The following ZEB2 variants were observed in gnomAD, a reference collection of about 807,000 sequenced individuals.
ZEB2 encodes zinc finger E-box binding homeobox 2, also known as zinc finger E-box-binding homeobox 2.
Under a neutral mutation model 99.9 loss-of-function variants are expected in ZEB2, and 6 were observed. That is an observed-to-expected ratio of 0.06 (90% CI 0.03 to 0.12). The LOEUF (loss-of-function observed/expected upper bound fraction) is 0.12. Among genes scored for constraint, ZEB2 ranks in the 10% least tolerant of loss-of-function variants. The pLI is 1.00. For synonymous variants in ZEB2, 517 were observed against 542.5 expected (o/e 0.95, Z 0.65); for missense variants, 969 against 1,502.8 (o/e 0.64, Z 5.87).
intron 2 of ZEB2, among the ~76,000 whole-genome samples, chr2:144,434,009 G>A (rs776085894): frequency 5.3e-5 from 8 of 152,124 alleles, no homozygotes; most frequent in South Asian, 2.1e-4. Flanking sequence ...CCTATACAAT[G>A]TTACCTTACT....
intron 4 of ZEB2, among the ~76,000 whole-genome samples, chr2:144,421,794 T>A (rs1017749094): frequency 2.0e-5 from 3 of 152,180 alleles, no homozygotes; most frequent in Admixed American, 2.0e-4. Flanking sequence ...TTGAACATGA[T>A]CTGAGTATAT....
At chr2:144,440,513 ATATTTTTTTTTTTTTTTTTTT>A (rs1374576716) in intron 2 of ZEB2, among the ~76,000 whole-genome samples, 2,174 of 23,946 alleles carry the variant, frequency 0.091, 25 homozygotes, top group Non-Finnish European at 0.12. Flanking sequence ...ATATATATAT[ATATTTTTTTTTTTTTTTTTTT>A]TTTTTTTTAA....
At position 144,389,037 on chromosome 2, in the gene ZEB2, CAATAATAAT is replaced by C; in HGVS notation, c.*405_*413del. 1 of 411,908 alleles carries C rather than the reference CAATAATAAT, an allele frequency of 2.4e-6. No individual in the cohort carries two copies. Among genetic ancestry groups the C allele is most frequent in the Non-Finnish European group, 4.4e-6 (1 of 228,750 alleles). 25.5% of individuals were successfully genotyped at this position (411,908 alleles called of 1,614,324 possible). On this transcript the variant is annotated 3_prime_UTR_variant, in exon 10 of 10. Coordinates refer to ENST00000627532, the MANE Select transcript of ZEB2 (RefSeq NM_014795.4). The surrounding 1 kb of genome is among the most constrained non-coding windows in gnomAD (Gnocchi z 6.8). Reference sequence around the variant, plus strand: ...AGCACATTAAATTAAAAAGGAATAACAATAATAATAATAAAAATACTGATGTATGGTAGT... The same window carrying C: ...AGCACATTAAATTAAAAAGGAATAACAATAAAAATACTGATGTATGGTAGT...
chr2:144,423,398 GT>G (rs1484855786), intron 4 of ZEB2, among the ~76,000 whole-genome samples: 1 of 152,090 alleles, frequency 6.6e-6, no homozygotes, highest in Non-Finnish European at 1.5e-5. Flanking sequence ...CTTTATTTTT[GT>G]TTTAATATGA....
rs1294345464 is a variant in ZEB2, at chr2:144,385,845, T to C, written c.*3606A>G. On this transcript the variant is annotated 3_prime_UTR_variant, in exon 10 of 10. Coordinates refer to ENST00000627532, the MANE Select transcript of ZEB2 (RefSeq NM_014795.4). ...AATGACCTTTTTAAAAGTTATCTGA[T>C]TGTGAAAAGTATCTAATACATTTAT... 1 of 152,244 alleles carries C rather than the reference T, an allele frequency of 6.6e-6. No individual in the cohort carries two copies. Among genetic ancestry groups the C allele is most frequent in the Non-Finnish European group, 1.5e-5 (1 of 68,036 alleles). 9.4% of individuals were successfully genotyped at this position (152,244 alleles called of 1,614,324 possible).
chr2:144,515,582 G>T (rs752843527), intron 2 of ZEB2, among the ~76,000 whole-genome samples: 3 of 151,778 alleles, frequency 2.0e-5, no homozygotes, highest in Non-Finnish European at 4.4e-5. Flanking sequence ...ACTGAATCTT[G>T]GGGAAGCAGC....
chr2:144,470,463 T>C (rs911407072), intron 2 of ZEB2: 6 of 152,172 alleles, frequency 3.9e-5, no homozygotes, highest in African/African-American at 1.4e-4. Context: ...ACAGTGATAT[T>C]TGTAATAAAT....
intron 2 of ZEB2, among the ~76,000 whole-genome samples, chr2:144,448,410 G>A (rs1704013565): frequency 2.0e-5 from 3 of 152,134 alleles, no homozygotes; most frequent in Non-Finnish European, 2.9e-5. Flanking sequence ...GATGATAAAG[G>A]ACTTACTGAA....
chr2:144,519,621 A>T, intron 1 of ZEB2: 1 of 215,538 alleles, frequency 4.6e-6, no homozygotes, highest in Non-Finnish European at 9.5e-6. Flanking sequence ...ATTCTCAATA[A>T]AACTTTTCCT....
At chr2:144,517,819 CT>C in intron 1 of ZEB2, 1 of 622,726 alleles carries the variant, frequency 1.6e-6, no homozygotes, top group Non-Finnish European at 2.9e-6. Context: ...TCGTTCTCAT[CT>C]TTTCTCATCC....
chr2:144,454,673 G>A (rs764235251), intron 2 of ZEB2, among the ~76,000 whole-genome samples: 14 of 152,158 alleles, frequency 9.2e-5, no homozygotes, highest in Non-Finnish European at 1.9e-4. Context: ...TTTTGAAACA[G>A]GATGTCCTTA....
At chr2:144,515,801 G>GAC (rs1404518476) in intron 2 of ZEB2, 1 of 150,452 alleles carries the variant, frequency 6.6e-6, no homozygotes, top group Admixed American at 6.6e-5. Flanking sequence ...AAAACCTAGA[G>GAC]AGAGAGAGAG....
intron 3 of ZEB2, among the ~76,000 whole-genome samples, chr2:144,425,812 T>TA (rs1703684415): frequency 6.6e-6 from 1 of 152,128 alleles, no homozygotes; most frequent in Non-Finnish European, 1.5e-5. Flanking sequence ...ATGACAATAC[T>TA]AATGAGACCA....
chr2:144,482,606 T>C (rs1704528947), intron 2 of ZEB2, among the ~76,000 whole-genome samples: 1 of 152,216 alleles, frequency 6.6e-6, no homozygotes. Context: ...ATTTCTGGCC[T>C]GCAGGTTTTT....
intron 2 of ZEB2, among the ~76,000 whole-genome samples, chr2:144,468,521 A>G (rs964469093): frequency 8.5e-5 from 13 of 152,156 alleles, no homozygotes; most frequent in African/African-American, 2.9e-4. Flanking sequence ...AGTTTTATGG[A>G]TACAAGTAAG....
Position 144,479,659 on chromosome 2 carries a change from G to C in ZEB2, c.73+37619C>G, listed in dbSNP as rs371849061. Among the ~76,000 whole-genome samples, 49 of 121,142 alleles carry C rather than the reference G, an allele frequency of 4.0e-4. 3 individuals carry two copies. In the South Asian group the frequency reaches 0.014, roughly 34 times the overall value. 79.5% of individuals were successfully genotyped at this position (121,142 alleles called of 152,430 possible). The stretch of plus-strand genomic sequence containing the variant: ...GATGAGTGTGTTTGCCATACTCTTA[G>C]TGAGTGTGTATGCTACTTTTTTTTG... On this transcript the variant is annotated intron_variant, in intron 2 of 9. Coordinates refer to ENST00000627532, the MANE Select transcript of ZEB2 (RefSeq NM_014795.4).
At chr2:144,495,782 T>G (rs1006764961) in intron 2 of ZEB2, 1 of 152,252 alleles carries the variant, frequency 6.6e-6, no homozygotes, top group African/African-American at 2.4e-5. Context: ...CTCTACAATT[T>G]GTCTCTAAGA....
In ZEB2 at chr2:144,430,025, C is replaced by T. The variant is rs1475402465; in HGVS notation, c.75G>A (p.Val25=). Residue 25 remains valine (V), a splice_region_variant and synonymous_variant, in exon 3 of 10, where the codon GTG becomes GTA. Coordinates refer to ENST00000627532, the MANE Select transcript of ZEB2 (RefSeq NM_014795.4). ...RKQANPRRKN[V]VNYDNVVDTG... is the part of the protein sequence containing the mutation. ...TGTCCACTACATTGTCATAGTTCACCACTGCAGAAGAAGCACAAAACACAC... is the reference window on the plus strand; with the variant it reads ...TGTCCACTACATTGTCATAGTTCACTACTGCAGAAGAAGCACAAAACACAC... The T allele has an allele frequency of 1.2e-5, 20 of 1,612,770 alleles. No individual in the cohort carries two copies. The highest frequency in any genetic ancestry group is 1.5e-5 in the Non-Finnish European group (18 of 1,179,804).
At chr2:144,472,047 A>G (rs2149909647) in intron 2 of ZEB2, among the ~76,000 whole-genome samples, 1 of 152,240 alleles carries the variant, frequency 6.6e-6, no homozygotes, top group Middle Eastern at 3.4e-3. Flanking sequence ...AATCTCATGC[A>G]TACTGCACAA....
Sources: allele counts gnomAD v4.1 joint callset (sites outside exome capture counted in the v4.1 genomes callset), GRCh38; gene constraint gnomAD v4.1.1; non-coding constraint Gnocchi (gnomAD v3.1); transcripts MANE v1.5; gene names NCBI Gene and HGNC (gene_info 2026-07-23, HGNC 2026-07-21).